The following SCAP variants were observed in gnomAD, a reference collection of about 807,000 sequenced individuals.
SCAP encodes SREBF chaperone, also known as sterol regulatory element-binding protein cleavage-activating protein.
A neutral mutation model predicts 123.6 loss-of-function variants in SCAP; 65 were observed. The ratio of observed to expected loss-of-function variants is 0.53; its 90% CI spans 0.43 to 0.65. The LOEUF (loss-of-function observed/expected upper bound fraction) is 0.65, where lower values mean the gene tolerates loss of function less well. SCAP is among the 30% of genes least tolerant of loss of function. The pLI is 0.00. For synonymous variants in SCAP, 740 were observed against 726.3 expected, an observed-to-expected ratio of 1.02 and a Z score of -0.30; for missense variants, 1,398 against 1,712.5, an observed-to-expected ratio of 0.82 and a Z score of 3.24.
chr3:47,417,679 G>A lies in SCAP; in HGVS notation c.2595C>T (p.Ser865=). 1.2e-6 allele frequency: 2 copies of A among 1,608,750 alleles called. No homozygotes were observed. Among genetic ancestry groups the A allele is most frequent in the Non-Finnish European group, 1.7e-6 (2 of 1,178,658 alleles). ...TGAGGTCAGGCTGGTCCCCGAAGAG[G>A]GAAGGCGGCGGAGGGCCCCGGGGGC... ...RHRPRGPPPP[S]LFGDQPDLTC... is the part of the protein sequence containing the mutation. Residue 865 remains serine, a synonymous_variant, in exon 17 of 23, where the codon TCC becomes TCT. Transcript: ENST00000265565.
chr3:47,444,298 G>C (rs1041707016), intron 1 of SCAP, among the ~76,000 whole-genome samples: 4 of 152,076 alleles, frequency 2.6e-5, no homozygotes, highest in Admixed American at 2.6e-4. Context: ...TGGCTTGACT[G>C]TACTCACTGA....
intron 1 of SCAP, among the ~76,000 whole-genome samples, chr3:47,465,062 G>A (rs1489893651): frequency 1.3e-5 from 2 of 151,820 alleles, no homozygotes; most frequent in Non-Finnish European, 2.9e-5. Context: ...ATTTAAGCAA[G>A]GGAGACAAAA....
chr3:47,438,847 G>C (rs1706689752), intron 2 of SCAP, among the ~76,000 whole-genome samples: 1 of 151,900 alleles, frequency 6.6e-6, no homozygotes. Context: ...TTAGGCTGTG[G>C]CTACAGCGTT....
At chr3:47,435,183 A>AGTC in intron 2 of SCAP, 46 bp from the exon 3 acceptor site, 1 of 1,570,246 alleles carries the variant, frequency 6.4e-7, no homozygotes, top group Non-Finnish European at 8.7e-7. Flanking sequence ...TATGAGAGGC[A>AGTC]GTCCTCTCTC....
chr3:47,459,936 G>A (rs1707568048), intron 1 of SCAP, among the ~76,000 whole-genome samples: 2 of 152,114 alleles, frequency 1.3e-5, no homozygotes, highest in South Asian at 4.1e-4. Flanking sequence ...CACTCCCAGA[G>A]CGGCCATTTA....
intron 1 of SCAP, among the ~76,000 whole-genome samples, chr3:47,456,784 C>CA (rs66613198): frequency 1.8e-3 from 264 of 145,230 alleles, no homozygotes; most frequent in Middle Eastern, 0.011. Context: ...GACTCCGTCT[C>CA]AAAAAAAAAA....
intron 1 of SCAP, among the ~76,000 whole-genome samples, chr3:47,460,564 T>C (rs185655708): frequency 2.0e-5 from 3 of 152,290 alleles, no homozygotes; most frequent in Middle Eastern, 3.4e-3. Flanking sequence ...GTTGTTGTTG[T>C]CTTTTTGAGA....
At chr3:47,475,043 T>C (rs1559577686) in intron 1 of SCAP, among the ~76,000 whole-genome samples, 1 of 152,128 alleles carries the variant, frequency 6.6e-6, no homozygotes, top group Non-Finnish European at 1.5e-5. Flanking sequence ...ACGATAAGTA[T>C]TACAAAATCC....
chr3:47,414,498 G>A, intron 21 of SCAP, 74 bp downstream of exon 21: 1 of 1,602,080 alleles, frequency 6.2e-7, no homozygotes, highest in Non-Finnish European at 8.5e-7. Context: ...AAGGCCCCTG[G>A]GGACCAGCTC....
At chr3:47,425,941 A>G in intron 7 of SCAP, 56 bp downstream of exon 7, 1 of 1,595,350 alleles carries the variant, frequency 6.3e-7, no homozygotes, top group East Asian at 2.2e-5. Context: ...AGCAGGTGAC[A>G]TGGAAATGCC....
At chr3:47,446,334 C>T (rs573937602) in intron 1 of SCAP, among the ~76,000 whole-genome samples, 9 of 152,094 alleles carry the variant, frequency 5.9e-5, no homozygotes, top group South Asian at 2.1e-4. Flanking sequence ...CCACCACACC[C>T]GGCTAATTTT....
chr3:47,440,774 C>T (rs555653226), intron 2 of SCAP, among the ~76,000 whole-genome samples: 1 of 152,270 alleles, frequency 6.6e-6, no homozygotes, highest in Admixed American at 6.5e-5. Flanking sequence ...GTAGGAGAAT[C>T]ACTTGAGCCC....
At chr3:47,453,663 C>T (rs1707303501) in intron 1 of SCAP, among the ~76,000 whole-genome samples, 1 of 152,130 alleles carries the variant, frequency 6.6e-6, no homozygotes, top group Admixed American at 6.6e-5. Context: ...TTTACTATTT[C>T]AGTTCCACAA....
In SCAP at chr3:47,427,195, G is replaced by C; in HGVS notation, c.699C>G (p.Ser233=). 1 of 1,613,818 alleles carries C rather than the reference G, an allele frequency of 6.2e-7. No individual in the cohort carries two copies. The highest frequency in any genetic ancestry group is 8.5e-7 in the Non-Finnish European group (1 of 1,179,810). The change falls in exon 6 of 23, where the codon TCC becomes TCG. Residue 233 remains serine, a synonymous_variant. Transcript: ENST00000265565. ...GCTGGAAGACCAGGGTGATGGTGTAGGAGACCATCCTCTTCCTGGTGTAGA... is the reference window on the plus strand; with the variant it reads ...GCTGGAAGACCAGGGTGATGGTGTACGAGACCATCCTCTTCCTGGTGTAGA... ...VSLYTRKRMV[S]YTITLVFQHY... is the part of the protein sequence containing the mutation.
At position 47,418,806 on chromosome 3, in the gene SCAP, G is replaced by A. The variant is rs145770545; in HGVS notation, c.1978C>T (p.Arg660Cys). The A allele has an allele frequency of 1.2e-5, 19 of 1,542,482 alleles. No individual in the cohort carries two copies. The highest frequency in any genetic ancestry group is 1.5e-5 in the Non-Finnish European group (17 of 1,148,706). ...SLLPVIPVTL[R>C]LNPREALEGR... ...TCCAGAGCCTCCCTCGGGTTCAGGC[G>A]GAGCGTGACTGGGATGACGGGCAGC... The change falls in exon 14 of 23, where the codon CGC becomes TGC. Residue 660 changes from arginine (R) to cysteine (C), a missense_variant. Physicochemically the swap from Arg to Cys is radical, Grantham distance 180 (BLOSUM62 -3). Around this residue, in one of 7 missense-constraint regions of SCAP, gnomAD observed 828 missense variants for 882.5 expected, o/e 0.94. Coordinates refer to ENST00000265565, the MANE Select transcript of SCAP (RefSeq NM_012235.4).
intron 1 of SCAP, among the ~76,000 whole-genome samples, chr3:47,444,754 C>A (rs1489738500): frequency 1.3e-5 from 2 of 150,608 alleles, no homozygotes; most frequent in Non-Finnish European, 2.9e-5. Context: ...GGATTACAGG[C>A]ACGAACCACC....
At chr3:47,473,548 C>G (rs1043190552) in intron 1 of SCAP, among the ~76,000 whole-genome samples, 3 of 152,152 alleles carry the variant, frequency 2.0e-5, no homozygotes, top group Non-Finnish European at 4.4e-5. Context: ...GTCCTCTCAT[C>G]TGTTCAACGG....
At chr3:47,424,522 G>A (rs948287359) in intron 8 of SCAP, among the ~76,000 whole-genome samples, 1 of 152,184 alleles carries the variant, frequency 6.6e-6, no homozygotes, top group Non-Finnish European at 1.5e-5. Flanking sequence ...AAGAACGACT[G>A]TTCCTACACA....
chr3:47,443,298 TCTCTCTCTC>T lies in SCAP; in HGVS notation c.-98-216_-98-208del, dbSNP rs776965010. On this transcript the variant is annotated intron_variant, in intron 1 of 22. Transcript: ENST00000265565. ...CACACTCTCTCTCTCTCTCTCTCTC[TCTCTCTCTC>T]TCTCCCTCCCCGCCCAACTCCCTCC... The T allele has an allele frequency of 4.8e-4, 101 of 210,538 alleles. 1 individual carries two copies. Among genetic ancestry groups the T allele is most frequent in the Non-Finnish European group, 7.5e-4 (78 of 103,456 alleles). 13.0% of individuals were successfully genotyped at this position (210,538 alleles called of 1,614,324 possible).
Sources: allele counts gnomAD v4.1 joint callset (sites outside exome capture counted in the v4.1 genomes callset), GRCh38; gene constraint gnomAD v4.1.1; regional missense constraint gnomAD v4.1.1; transcripts MANE v1.5; gene names NCBI Gene and HGNC (gene_info 2026-07-23, HGNC 2026-07-21).